The following KIF26B variants were observed in gnomAD, a reference collection of about 807,000 sequenced individuals.
The protein encoded by KIF26B is kinesin family member 26B.
In KIF26B, 63 loss-of-function variants were observed where a neutral mutation model predicts 151.2. The ratio of observed to expected loss-of-function variants is 0.42; its 90% CI spans 0.34 to 0.51. The LOEUF is 0.51. Ranked by LOEUF, KIF26B falls within the 20% of genes least tolerant of loss-of-function variation. The pLI, the probability that KIF26B is intolerant of heterozygous loss-of-function variation, is 0.07. For missense variants in KIF26B, 2,813 were observed against 2,913.6 expected, an observed-to-expected ratio of 0.97 and a Z score of 0.79; for synonymous variants, 1,357 against 1,262.1, an observed-to-expected ratio of 1.08 and a Z score of -1.59.
chr1:245,646,097 C>T (rs1170445207), intron 9 of KIF26B, 24 bp from the exon 10 acceptor site: 1 of 1,610,042 alleles, frequency 6.2e-7, no homozygotes, highest in East Asian at 2.2e-5. Flanking sequence ...AACCATTTCT[C>T]TTTTATCTTC....
At chr1:245,427,264 G>T (rs1312651774) in intron 4 of KIF26B, among the ~76,000 whole-genome samples, 1 of 152,146 alleles carries the variant, frequency 6.6e-6, no homozygotes. Flanking sequence ...TCACAACTTG[G>T]AACAGTTAAT....
At chr1:245,373,591 C>T (rs1176571219) in intron 3 of KIF26B, among the ~76,000 whole-genome samples, 1 of 152,146 alleles carries the variant, frequency 6.6e-6, no homozygotes. Flanking sequence ...CCTTGAGTTG[C>T]AGGAAAATGC....
At position 245,412,464 on chromosome 1, in the gene KIF26B, G is replaced by A. The variant is rs78199278; in HGVS notation, c.1000-7115G>A. Among the ~76,000 whole-genome samples, 914 of 152,342 alleles carry A rather than the reference G, an allele frequency of 6.0e-3. 6 individuals carry two copies. The highest frequency in any genetic ancestry group is 0.021 in the African/African-American group (872 of 41,580). On this transcript the variant is annotated intron_variant, in intron 3 of 14. Coordinates refer to ENST00000407071, the MANE Select transcript of KIF26B (RefSeq NM_018012.4). ...TGCTGTCTTGGCAGAGTCAGAGGGA[G>A]GTAGCTTTCTGGGTCAATAATGCCG... is the stretch of plus-strand genomic sequence containing the variant.
In KIF26B at chr1:245,683,956, C is replaced by T. The variant is rs113948768; in HGVS notation, c.2259-277C>T. ...CCAGGCCTCATTATGTATAATGTCA[C>T]AGACACACACGCCCAGGAACATCCC... On this transcript the variant is annotated intron_variant, in intron 10 of 14. Transcript: ENST00000407071. Among the ~76,000 whole-genome samples the T allele has an allele frequency of 9.1e-3, 1,386 of 152,318 alleles. 31 individuals are homozygous for T. The highest frequency in any genetic ancestry group is 0.032 in the African/African-American group (1,310 of 41,566).
intron 4 of KIF26B, among the ~76,000 whole-genome samples, chr1:245,521,727 C>T (rs1558197977): frequency 6.6e-6 from 1 of 152,152 alleles, no homozygotes; most frequent in Admixed American, 6.5e-5. Context: ...ATAGACAAGG[C>T]AATTTTGGGG....
At chr1:245,404,298 A>G (rs1211181404) in intron 3 of KIF26B, among the ~76,000 whole-genome samples, 1 of 152,078 alleles carries the variant, frequency 6.6e-6, no homozygotes, top group African/African-American at 2.4e-5. Context: ...AAGAATCCCA[A>G]AAGATTGGCT....
chr1:245,329,349 C>T (rs1049472514), intron 2 of KIF26B, among the ~76,000 whole-genome samples: 5 of 152,220 alleles, frequency 3.3e-5, no homozygotes, highest in African/African-American at 7.2e-5. Flanking sequence ...CAGAGGGCCA[C>T]GGCCATCACC....
At chr1:245,666,813 C>T (rs2044221762) in intron 10 of KIF26B, among the ~76,000 whole-genome samples, 1 of 152,056 alleles carries the variant, frequency 6.6e-6, no homozygotes, top group South Asian at 2.1e-4. Context: ...CATTTTTGCT[C>T]TGGAGACCTT....
chr1:245,489,197 G>T (rs1362808969), intron 4 of KIF26B, among the ~76,000 whole-genome samples: 1 of 152,168 alleles, frequency 6.6e-6, no homozygotes, highest in Admixed American at 6.5e-5. Flanking sequence ...CTGGATTTCT[G>T]GCATTTTCTT....
chr1:245,413,100 A>C (rs1674326566), intron 3 of KIF26B, among the ~76,000 whole-genome samples: 1 of 152,182 alleles, frequency 6.6e-6, no homozygotes, highest in African/African-American at 2.4e-5. Context: ...AAACCAAATA[A>C]AATCCCGTGG....
chr1:245,505,929 T>G (rs1660721467), intron 4 of KIF26B, among the ~76,000 whole-genome samples: 1 of 152,236 alleles, frequency 6.6e-6, no homozygotes, highest in Non-Finnish European at 1.5e-5. Flanking sequence ...AGGATTTTCA[T>G]ACATGAGGTA....
chr1:245,482,323 C>T (rs1660184902), intron 4 of KIF26B, among the ~76,000 whole-genome samples: 1 of 151,616 alleles, frequency 6.6e-6, no homozygotes, highest in Non-Finnish European at 1.5e-5. Flanking sequence ...CTCCTGACCT[C>T]GTGATCCTCC....
chr1:245,193,192 C>G (rs1001757870), intron 2 of KIF26B, among the ~76,000 whole-genome samples: 5 of 152,148 alleles, frequency 3.3e-5, no homozygotes, highest in African/African-American at 1.2e-4. Context: ...GGCCTCCAGC[C>G]CCATCCATGT....
chr1:245,361,468 G>A (rs1187255792), intron 2 of KIF26B, among the ~76,000 whole-genome samples: 8 of 152,136 alleles, frequency 5.3e-5, no homozygotes, highest in Non-Finnish European at 7.3e-5. Context: ...GCGTGTTCAC[G>A]TGCTCAGCGC....
intron 2 of KIF26B, among the ~76,000 whole-genome samples, chr1:245,355,446 A>G (rs1359775575): frequency 6.6e-6 from 1 of 152,000 alleles, no homozygotes; most frequent in East Asian, 1.9e-4. Flanking sequence ...AAATACAAAA[A>G]TGAGCCAGGC....
intron 4 of KIF26B, among the ~76,000 whole-genome samples, chr1:245,427,089 C>T (rs1264520044): frequency 6.6e-6 from 1 of 152,118 alleles, no homozygotes; most frequent in East Asian, 1.9e-4. Flanking sequence ...CCCTTCTTCC[C>T]CTTAGAAATA....
At chr1:245,454,958 T>G (rs1308114152) in intron 4 of KIF26B, among the ~76,000 whole-genome samples, 1 of 152,194 alleles carries the variant, frequency 6.6e-6, no homozygotes, top group African/African-American at 2.4e-5. Context: ...GACAAATGTT[T>G]GAGCTCAAGG....
chr1:245,195,418 C>T (rs775534498), intron 2 of KIF26B, among the ~76,000 whole-genome samples: 6 of 152,324 alleles, frequency 3.9e-5, no homozygotes, highest in South Asian at 2.1e-4. Context: ...ACCTTGTTCC[C>T]ACCTGACCTT....
chr1:245,574,296 A>G (rs2043095128), intron 5 of KIF26B, among the ~76,000 whole-genome samples: 1 of 152,150 alleles, frequency 6.6e-6, no homozygotes, highest in South Asian at 2.1e-4. Context: ...GGCATGTGCC[A>G]CCATGCCAGG....
Sources: allele counts gnomAD v4.1 joint callset (sites outside exome capture counted in the v4.1 genomes callset), GRCh38; gene constraint gnomAD v4.1.1; transcripts MANE v1.5; gene names NCBI Gene and HGNC (gene_info 2026-07-23, HGNC 2026-07-21).